Variants in SIX5 observed in about 807,000 individuals in gnomAD.
SIX5 encodes the protein homeobox protein SIX5.
A neutral mutation model predicts 37.1 loss-of-function variants in SIX5; 21 were observed. The ratio of observed to expected loss-of-function variants is 0.57; its 90% confidence interval spans 0.40 to 0.81. SIX5 has a LOEUF of 0.81. Among genes scored for constraint, SIX5 ranks in the 40% least tolerant of loss-of-function variants. The pLI, the probability that SIX5 is intolerant of heterozygous loss-of-function variation, is 0.00. For synonymous variants in SIX5, 626 were observed against 505.9 expected (o/e 1.24, Z -3.19); for missense variants, 1,137 against 1,025.1 (o/e 1.11, Z -1.49).
At position 45,764,829 on chromosome 19, in the gene SIX5, A is replaced by G. The variant is rs1419532343; in HGVS notation, c.*672T>C. 1 of 156,574 alleles carries G rather than the reference A, an allele frequency of 6.4e-6. No homozygotes were observed. The highest frequency in any genetic ancestry group is 1.9e-4 in the East Asian group (1 of 5,256). 9.7% of individuals were successfully genotyped at this position (156,574 alleles called of 1,614,324 possible). A position where few individuals can be genotyped will look rare whatever the true frequency, so the allele number is the denominator to read the frequency against. On this transcript the variant is annotated 3_prime_UTR_variant, in exon 3 of 3. Coordinates refer to ENST00000317578, the MANE Select transcript of SIX5 (RefSeq NM_175875.5). ...CTTTATTTTAATTGAAAATGGAGGC[A>G]TAACATGTCCTAGAAAAATAAAGAT...
chr19:45,768,479 G>A lies in SIX5; in HGVS notation c.366C>T (p.Gly122=), dbSNP rs769894261. 5 of 1,524,186 alleles carry A rather than the reference G, an allele frequency of 3.3e-6. No homozygotes were observed. Among genetic ancestry groups the A allele is most frequent in the Non-Finnish European group, 4.4e-6 (5 of 1,142,116 alleles). The allele number at this position is 1,524,186 out of a possible 1,614,324, so 94.4% of individuals were successfully genotyped here. The change falls in exon 1 of 3, where the codon GGC becomes GGT. Residue 122 remains glycine (G), a synonymous_variant. Coordinates refer to ENST00000317578, the MANE Select transcript of SIX5 (RefSeq NM_175875.5). ...CCCGCGCGCGCAACACCGGGTCGCTGCCACGTAGGCGCTCGGCCGGGGGCA... is the reference window on the plus strand; with the variant it reads ...CCCGCGCGCGCAACACCGGGTCGCTACCACGTAGGCGCTCGGCCGGGGGCA... The part of the protein sequence containing the change: ...GALPPAERLR[G]SDPVLRARAL...
At position 45,769,099 on chromosome 19, in the gene SIX5, T is replaced by G; in HGVS notation, c.-255A>C. ...TTTTCCCTCCGCCTCTGGCCGCGCT[T>G]TCTGCCTCCCCCCAGCGTGTGCTTC... On this transcript the variant is annotated 5_prime_UTR_variant, in exon 1 of 3. Transcript: ENST00000317578. The G allele has an allele frequency of 1.5e-5, 7 of 457,170 alleles. No individual in the cohort carries two copies. The highest frequency in any genetic ancestry group is 4.0e-5 in the East Asian group (1 of 25,270). The allele number at this position is 457,170 out of a possible 1,614,324, so 28.3% of individuals were successfully genotyped here.
intron 1 of SIX5, 102 bp from the exon 2 acceptor site, chr19:45,767,257 G>A: frequency 7.9e-7 from 1 of 1,268,552 alleles, no homozygotes; most frequent in South Asian, 1.3e-5. Context: ...AAGTTTCGGT[G>A]GATCATTCCA....
In SIX5 at chr19:45,768,236, C is replaced by T. The variant is rs751583393; in HGVS notation, c.609G>A (p.Glu203=). 19 of 1,613,058 alleles carry T rather than the reference C, an allele frequency of 1.2e-5. No individual in the cohort carries two copies. The South Asian group carries it at 2.1e-4, about 18-fold the overall frequency. ...PLPKTIWDGE[E]TVYCFKERSR... is the part of the protein sequence containing the mutation. The stretch of plus-strand genomic sequence containing the variant: ...AGCGCTCCTTGAAGCAGTAGACTGT[C>T]TCCTCGCCGTCCCAGATGGTCTTGG... Residue 203 remains glutamate (E), a synonymous_variant, in exon 1 of 3, where the codon GAG becomes GAA. Coordinates refer to ENST00000317578, the MANE Select transcript of SIX5 (RefSeq NM_175875.5).
In SIX5 at chr19:45,768,283, G is replaced by A. The variant is rs1969127580; in HGVS notation, c.562C>T (p.Leu188=). Residue 188 remains leucine (L), a synonymous_variant, in exon 1 of 3, where the codon CTG becomes TTG. Coordinates refer to ENST00000317578, the MANE Select transcript of SIX5 (RefSeq NM_175875.5). ...RALGAVDKYR[L]RKKFPLPKTI... is the part of the protein sequence containing the mutation. ...TTGGGCAGCGGGAACTTCTTGCGCA[G>A]TCGATACTTGTCCACTGCGCCAAGC... 2 of 1,612,182 alleles carry A rather than the reference G, an allele frequency of 1.2e-6. No homozygotes were observed. Among genetic ancestry groups the A allele is most frequent in the Admixed American group, 1.7e-5 (1 of 59,830 alleles).
Position 45,769,174 on chromosome 19 carries a change from C to T in SIX5, c.-330G>A, listed in dbSNP as rs1969171631. The T allele has an allele frequency of 2.9e-6, 1 of 342,060 alleles. No individual in the cohort carries two copies. The highest frequency in any genetic ancestry group is 5.4e-6 in the Non-Finnish European group (1 of 184,994). 21.2% of individuals were successfully genotyped at this position (342,060 alleles called of 1,614,324 possible). A position where few individuals can be genotyped will look rare whatever the true frequency, so the allele number is the denominator to read the frequency against. On this transcript the variant is annotated 5_prime_UTR_variant, in exon 1 of 3. Transcript: ENST00000317578. ...TCGGGACAACGCAGAAGGTAACGGGCCGTCCAGGAGGACTAAGGGCGCGAA... is the reference window on the plus strand; with the variant it reads ...TCGGGACAACGCAGAAGGTAACGGGTCGTCCAGGAGGACTAAGGGCGCGAA...
At chr19:45,767,954 C>T in intron 1 of SIX5, 88 bp downstream of exon 1, 2 of 1,368,048 alleles carry the variant, frequency 1.5e-6, no homozygotes, top group Non-Finnish European at 2.0e-6. Context: ...CCTCGGCGCG[C>T]CGGCCCCAGC....
chr19:45,766,174 G>A (rs538355864), intron 2 of SIX5, 63 bp from the exon 3 acceptor site: 5 of 1,569,510 alleles, frequency 3.2e-6, no homozygotes, highest in South Asian at 2.4e-5. Flanking sequence ...CCAGAGAGAA[G>A]TGGAGACTGT....
In SIX5 at chr19:45,768,431, G is replaced by A. The variant is rs2146209186; in HGVS notation, c.414C>T (p.Gly138=). ...RARALVAFQR[G]EYAELYRLLE... ...GTAGCCGGTAGAGCTCGGCGTACTC[G>A]CCCCGCTGGAAGGCCACCAGGGCCC... The change falls in exon 1 of 3, where the codon GGC becomes GGT. Residue 138 remains glycine, a synonymous_variant. Transcript: ENST00000317578. 2.6e-6 allele frequency: 4 copies of A among 1,539,282 alleles called. No homozygotes were observed. Among genetic ancestry groups the A allele is most frequent in the Non-Finnish European group, 3.5e-6 (4 of 1,149,460 alleles).
In SIX5 at chr19:45,766,537, G is replaced by T. The variant is rs771910560; in HGVS notation, c.1422C>A (p.Asn474Lys). Residue 474 changes from asparagine to lysine, a missense_variant, in exon 2 of 3, where the codon AAC becomes AAA. Asn to Lys is a moderately conservative substitution (Grantham distance 94, BLOSUM62 0). Around this residue, in one of 3 missense-constraint regions of SIX5, gnomAD observed 787 missense variants for 621.4 expected, o/e 1.27. Transcript: ENST00000317578. ...TGLSPTSPLL[N>K]LPQVVPTSQV... ...GTGAGGTGGGTACTACCTGGGGCAG[G>T]TTCAATAGTGGGGAGGTGGGGCTCA... The T allele has an allele frequency of 2.0e-6, 3 of 1,489,616 alleles. No homozygotes were observed. Among genetic ancestry groups the T allele is most frequent in the Non-Finnish European group, 2.7e-6 (3 of 1,112,356 alleles). The allele number at this position is 1,489,616 out of a possible 1,614,324, so 92.3% of individuals were successfully genotyped here.
At position 45,765,049 on chromosome 19, in the gene SIX5, G is replaced by C. The variant is rs182439328; in HGVS notation, c.*452C>G. On this transcript the variant is annotated 3_prime_UTR_variant, in exon 3 of 3. Transcript: ENST00000317578. ...GGGGAGGGTCTCCAGTCTCAGGGGC[G>C]CGGGGCTGCCTGTCCTCCACCTTCG... 8.0e-5 allele frequency: 18 copies of C among 224,412 alleles called. No homozygotes were observed. The highest frequency in any genetic ancestry group is 5.2e-4 in the East Asian group (5 of 9,602). 13.9% of individuals were successfully genotyped at this position (224,412 alleles called of 1,614,324 possible). A position where few individuals can be genotyped will look rare whatever the true frequency, so the allele number is the denominator to read the frequency against.
Position 45,768,801 on chromosome 19 carries a change from C to T in SIX5, c.44G>A (p.Gly15Glu), listed in dbSNP as rs566455594. 3.3e-6 allele frequency: 5 copies of T among 1,530,038 alleles called. No homozygotes were observed. Among genetic ancestry groups the T allele is most frequent in the Non-Finnish European group, 3.5e-6 (4 of 1,144,396 alleles). 94.8% of individuals were successfully genotyped at this position (1,530,038 alleles called of 1,614,324 possible). Reference protein sequence around the residue: ...PAEPSAGPAAGGEAVAAAAAT... With the variant: ...PAEPSAGPAAEGEAVAAAAAT... ...CGCCGCCGCCGCCACCGCCTCCCCC[C>T]CAGCCGCCGGCCCCGCGCTCGGCTC... The change falls in exon 1 of 3, where the codon GGG becomes GAG. Residue 15 changes from glycine (G) to glutamate (E), a missense_variant. Gly to Glu is a moderately conservative substitution (Grantham distance 98, BLOSUM62 -2). This residue lies in a region of SIX5 where 331 missense variants were observed against 360.9 expected (regional missense o/e 0.92). Transcript: ENST00000317578.
chr19:45,768,553 G>A lies in SIX5; in HGVS notation c.292C>T (p.Leu98=). ...PEQVACVCEA[L]LQAGHAGRLS... ...CGGCCGGCGTGGCCCGCCTGGAGCA[G>A]CGCCTCGCAGACGCACGCCACCTGC... The change falls in exon 1 of 3, where the codon CTG becomes TTG. Residue 98 remains leucine, a synonymous_variant. Transcript: ENST00000317578. The A allele has an allele frequency of 3.6e-6, 5 of 1,387,104 alleles. No homozygotes were observed. Among genetic ancestry groups the A allele is most frequent in the Non-Finnish European group, 4.6e-6 (5 of 1,080,050 alleles). 85.9% of individuals were successfully genotyped at this position (1,387,104 alleles called of 1,614,324 possible).
Position 45,766,642 on chromosome 19 carries a change from A to T in SIX5, c.1317T>A (p.Pro439=). 6.8e-7 allele frequency: 1 copy of T among 1,477,808 alleles called. No individual in the cohort carries two copies. 91.5% of individuals were successfully genotyped at this position (1,477,808 alleles called of 1,614,324 possible). A position where few individuals can be genotyped will look rare whatever the true frequency, so the allele number is the denominator to read the frequency against. The change falls in exon 2 of 3, where the codon CCT becomes CCA. Residue 439 remains proline, a synonymous_variant. Coordinates refer to ENST00000317578, the MANE Select transcript of SIX5 (RefSeq NM_175875.5). ...VPGPPTAATF[P]LPPGPVPAVA... ...CAGCAGGCACTGGCCCCGGGGGCAG[A>T]GGAAAGGTGGCAGCCGTCGGGGGGC... is the stretch of plus-strand genomic sequence containing the variant.
rs767172612 is a variant in SIX5, at chr19:45,768,831, G to A, written c.14C>T (p.Pro5Leu). Residue 5 changes from proline (P) to leucine (L), a missense_variant, in exon 1 of 3, where the codon CCT (proline) becomes CTT (leucine). Transcript: ENST00000317578. ...CGCCGGCCCCGCGCTCGGCTCCGCA[G>A]GCAAGGTAGCCATGTTTTGCAACTT... MATL[P>L]AEPSAGPAAG... 21 of 1,531,012 alleles carry A rather than the reference G, an allele frequency of 1.4e-5. No individual in the cohort carries two copies. The highest frequency in any genetic ancestry group is 1.9e-4 in the Middle Eastern group (1 of 5,332). The allele number at this position is 1,531,012 out of a possible 1,614,324, so 94.8% of individuals were successfully genotyped here. A position where few individuals can be genotyped will look rare whatever the true frequency, so the allele number is the denominator to read the frequency against.
rs766460655 is a variant in SIX5 at position 45,766,461 on chromosome 19, C to T, written c.1498G>A (p.Gly500Arg). The change falls in exon 2 of 3, where the codon GGG (glycine) becomes AGG (arginine). Residue 500 changes from glycine (G) to arginine (R), a missense_variant. This residue lies in a region of SIX5 where 787 missense variants were observed against 621.4 expected (regional missense o/e 1.27). Coordinates refer to ENST00000317578, the MANE Select transcript of SIX5 (RefSeq NM_175875.5). ...AVGPLQLLAAGPGSPVKVAAA... is the reference protein window; with the variant it reads ...AVGPLQLLAARPGSPVKVAAA... ...GCCACCTTCACAGGGCTGCCTGGCCCGGCTGCCAACAGCTGCAGGGGCCCC... is the reference window on the plus strand; with the variant it reads ...GCCACCTTCACAGGGCTGCCTGGCCTGGCTGCCAACAGCTGCAGGGGCCCC... 56 of 1,536,022 alleles carry T rather than the reference C, an allele frequency of 3.6e-5. No homozygotes were observed. Among genetic ancestry groups the T allele is most frequent in the Non-Finnish European group, 4.1e-5 (47 of 1,138,620 alleles).
In SIX5 at chr19:45,768,253, T is replaced by C. The variant is rs1969126155; in HGVS notation, c.592A>G (p.Ile198Val). 1.2e-6 allele frequency: 2 copies of C among 1,613,094 alleles called. No homozygotes were observed. The highest frequency in any genetic ancestry group is 1.7e-6 in the Non-Finnish European group (2 of 1,179,704). Residue 198 changes from isoleucine (I) to valine (V), a missense_variant, in exon 1 of 3, where the codon ATC (isoleucine) becomes GTC (valine). Physicochemically the swap from Ile to Val is conservative, Grantham distance 29. Around this residue, in one of 3 missense-constraint regions of SIX5, gnomAD observed 331 missense variants for 360.9 expected, o/e 0.92. Transcript: ENST00000317578. ...TAGACTGTCTCCTCGCCGTCCCAGA[T>C]GGTCTTGGGCAGCGGGAACTTCTTG... ...LRKKFPLPKT[I>V]WDGEETVYCF...
chr19:45,765,102 C>G lies in SIX5; in HGVS notation c.*399G>C, dbSNP rs1445669080. ...TTCCAGGCAGTTGTGACAACACCAG[C>G]TATCGGCAGAGCTATTAATAGTGTT... On this transcript the variant is annotated 3_prime_UTR_variant, in exon 3 of 3. Coordinates refer to ENST00000317578, the MANE Select transcript of SIX5 (RefSeq NM_175875.5). The G allele has an allele frequency of 1.8e-5, 5 of 271,448 alleles. No homozygotes were observed. In the East Asian group the frequency reaches 3.3e-4, roughly 18 times the overall value. The allele number at this position is 271,448 out of a possible 1,614,324, so 16.8% of individuals were successfully genotyped here.
At position 45,764,877 on chromosome 19, in the gene SIX5, C is replaced by G. The variant is rs914702913; in HGVS notation, c.*624G>C. 1.2e-5 allele frequency: 2 copies of G among 161,822 alleles called. No homozygotes were observed. Among genetic ancestry groups the G allele is most frequent in the African/African-American group, 2.4e-5 (1 of 41,578 alleles). 10.0% of individuals were successfully genotyped at this position (161,822 alleles called of 1,614,324 possible). On this transcript the variant is annotated 3_prime_UTR_variant, in exon 3 of 3. Transcript: ENST00000317578. ...GATTTAGGATACAAAGGAGACACAG[C>G]GGCAGGGCTGCCCCCAGGGATGAGG...
Sources: gnomAD v4.1 joint callset for allele counts on GRCh38, gnomAD v4.1.1 for gene constraint, gnomAD v4.1.1 regional missense constraint, MANE v1.5 for transcripts, NCBI Gene and HGNC (gene_info 2026-07-23, HGNC 2026-07-21) for gene names.